Variants in DIPK1A observed in about 807,000 individuals in gnomAD.
The protein encoded by DIPK1A is family with sequence similarity 69 member A.
A neutral mutation model predicts 40.8 loss-of-function variants in DIPK1A; 27 were observed. The observed-to-expected ratio is 0.66, with a 90% CI of 0.49 to 0.91. The LOEUF is 0.91. DIPK1A is among the 40% of genes least tolerant of loss of function. The pLI, the probability that DIPK1A is intolerant of heterozygous loss-of-function variation, is 0.00. For missense variants in DIPK1A, 412 were observed against 505.7 expected (o/e 0.81, Z 1.78); for synonymous variants, 166 against 171.3 (o/e 0.97, Z 0.24).
chr1:92,938,666 A>AT (rs1651038893), intron 1 of DIPK1A, among the ~76,000 whole-genome samples: 1 of 152,178 alleles, frequency 6.6e-6, no homozygotes, highest in Admixed American at 6.5e-5. Flanking sequence ...ATTTTTGGAT[A>AT]TATCATTTTA....
intron 1 of DIPK1A, among the ~76,000 whole-genome samples, chr1:92,898,600 G>A (rs1200262646): frequency 6.6e-6 from 1 of 152,128 alleles, no homozygotes; most frequent in Non-Finnish European, 1.5e-5. Flanking sequence ...TCAGCCTCCT[G>A]AGTAGCTGGG....
chr1:92,861,111 C>T (rs933575223), intron 2 of DIPK1A, among the ~76,000 whole-genome samples: 2 of 151,872 alleles, frequency 1.3e-5, no homozygotes, highest in Non-Finnish European at 1.5e-5. Context: ...GAAATGACAA[C>T]GTATATCCTT....
intron 1 of DIPK1A, among the ~76,000 whole-genome samples, chr1:92,925,648 C>A (rs1650474131): frequency 6.6e-6 from 1 of 152,078 alleles, no homozygotes. Context: ...CATGCACCAC[C>A]ATACCTGGCT....
chr1:92,870,075 TACACACACACACACACAC>T (rs3221733), intron 2 of DIPK1A, among the ~76,000 whole-genome samples: 3 of 66,364 alleles, frequency 4.5e-5, no homozygotes, highest in African/African-American at 1.1e-4. Flanking sequence ...GAATTATATA[TACACACACACACACACAC>T]ACACACACAC....
intron 1 of DIPK1A, among the ~76,000 whole-genome samples, chr1:92,936,298 A>G (rs778236992): frequency 1.3e-5 from 2 of 152,194 alleles, no homozygotes; most frequent in Non-Finnish European, 2.9e-5. Context: ...AAACCTAAGT[A>G]TAGTTTTTCT....
chr1:92,839,100 C>T (rs1405134073), downstream of DIPK1A, among the ~76,000 whole-genome samples: 1 of 151,138 alleles, frequency 6.6e-6, no homozygotes, highest in African/African-American at 2.4e-5. Context: ...TGGCTCACGC[C>T]TGTAATCCCC....
At chr1:92,895,656 C>A (rs535187307) in intron 1 of DIPK1A, among the ~76,000 whole-genome samples, 3 of 152,126 alleles carry the variant, frequency 2.0e-5, no homozygotes, top group Admixed American at 1.3e-4. Flanking sequence ...CTGGCCAGGG[C>A]AATCAGGCAG....
rs530350082 is a variant in DIPK1A at position 92,920,300 on chromosome 1, T to C, written c.54+41076A>G. ...CTGTTCTCATGGTAGTGAATAAGTC[T>C]CATGAGATCTGATGGTTTTATAAAT... On this transcript the variant is annotated intron_variant, in intron 1 of 4. Coordinates refer to ENST00000370310, the MANE Select transcript of DIPK1A (RefSeq NM_001006605.5). Among the ~76,000 whole-genome samples the C allele has an allele frequency of 6.6e-5, 10 of 152,300 alleles. No individual in the cohort carries two copies. The South Asian group carries it at 2.1e-3, about 32-fold the overall frequency.
chr1:92,842,212 G>A lies in DIPK1A; in HGVS notation c.*1171C>T. ...TATAACCAGATGATGAATGGGAAAA[G>A]TACCTTAAAGTAAACAAAACTGGTG... On this transcript the variant is annotated 3_prime_UTR_variant, in exon 5 of 5. Transcript: ENST00000370310. 4.0e-6 allele frequency: 4 copies of A among 999,760 alleles called. No individual in the cohort carries two copies. Among genetic ancestry groups the A allele is most frequent in the Non-Finnish European group, 4.8e-6 (4 of 839,104 alleles). The allele number at this position is 999,760 out of a possible 1,614,324, so 61.9% of individuals were successfully genotyped here.
intron 2 of DIPK1A, among the ~76,000 whole-genome samples, chr1:92,862,386 G>A (rs1219416087): frequency 6.6e-6 from 1 of 152,148 alleles, no homozygotes; most frequent in Non-Finnish European, 1.5e-5. Context: ...CACCGAGGGA[G>A]GAAGCAGTGA....
chr1:92,876,227 A>G (rs1341891673), intron 2 of DIPK1A, 69 bp downstream of exon 2: 2 of 900,964 alleles, frequency 2.2e-6, no homozygotes, highest in Non-Finnish European at 3.1e-6. Flanking sequence ...CATCATTAGT[A>G]AGTATGTAAG....
chr1:92,837,035 T>G, intron 4 of DIPK1A: 1 of 275,826 alleles, frequency 3.6e-6, no homozygotes. Context: ...GATGTGGAGG[T>G]GGGTGGGGGG....
intron 1 of DIPK1A, among the ~76,000 whole-genome samples, chr1:92,910,007 C>G (rs780222228): frequency 2.0e-5 from 3 of 152,122 alleles, no homozygotes; most frequent in Non-Finnish European, 2.9e-5. Flanking sequence ...AGTGGTCAGG[C>G]AGCTAAGAGA....
intron 1 of DIPK1A, among the ~76,000 whole-genome samples, chr1:92,876,728 CCTGG>C (rs1648146542): frequency 6.6e-6 from 1 of 152,096 alleles, no homozygotes; most frequent in Non-Finnish European, 1.5e-5. Flanking sequence ...ACCATGCTAC[CCTGG>C]GCACCTTGTG....
chr1:92,867,033 T>C (rs1226017243), intron 2 of DIPK1A, among the ~76,000 whole-genome samples: 1 of 152,180 alleles, frequency 6.6e-6, no homozygotes. Context: ...TAACTTACTG[T>C]ACATTTACCA....
At chr1:92,833,557 A>G in intron 4 of DIPK1A, 1 of 1,613,854 alleles carries the variant, frequency 6.2e-7, no homozygotes, top group Non-Finnish European at 8.5e-7. Flanking sequence ...GGTAAAACTG[A>G]TTATTATGCT....
At chr1:92,904,624 C>A (rs1649535057) in intron 1 of DIPK1A, among the ~76,000 whole-genome samples, 1 of 151,966 alleles carries the variant, frequency 6.6e-6, no homozygotes, top group African/African-American at 2.4e-5. Flanking sequence ...AATGGGGTAT[C>A]CATCAACTCA....
At chr1:92,873,029 T>C (rs1647947783) in intron 2 of DIPK1A, among the ~76,000 whole-genome samples, 1 of 152,188 alleles carries the variant, frequency 6.6e-6, no homozygotes, top group Non-Finnish European at 1.5e-5. Flanking sequence ...TCCGCCAACA[T>C]AAGGTTTCTG....
chr1:92,882,167 C>G (rs965648109), intron 1 of DIPK1A, among the ~76,000 whole-genome samples: 1 of 152,192 alleles, frequency 6.6e-6, no homozygotes, highest in Non-Finnish European at 1.5e-5. Context: ...GTGGGCAGAT[C>G]ACCTGAGGTC....
Sources: gnomAD v4.1 joint callset for allele counts (sites outside exome capture counted in the v4.1 genomes callset) on GRCh38, gnomAD v4.1.1 for gene constraint, MANE v1.5 for transcripts, NCBI Gene and HGNC (gene_info 2026-07-23, HGNC 2026-07-21) for gene names.